DNAJC16: variants seen among roughly 807,000 people sequenced by gnomAD.
DNAJC16 encodes the protein dnaJ homolog subfamily C member 16.
Under a neutral mutation model 92.7 loss-of-function variants are expected in DNAJC16, and 76 were observed. The ratio of observed to expected loss-of-function variants is 0.82; its 90% CI spans 0.68 to 0.99. The LOEUF (loss-of-function observed/expected upper bound fraction) is 0.99, where lower values mean the gene tolerates loss of function less well. Ranked by LOEUF, DNAJC16 falls within the 50% of genes least tolerant of loss-of-function variation. The pLI, the probability that DNAJC16 is intolerant of heterozygous loss-of-function variation, is 0.00. For synonymous variants in DNAJC16, 328 were observed against 358.7 expected, an observed-to-expected ratio of 0.91 and a Z score of 0.97; for missense variants, 869 against 942.4, an observed-to-expected ratio of 0.92 and a Z score of 1.02.
intron 5 of DNAJC16, 81 bp from the exon 6 acceptor site, chr1:15,546,686 T>C (rs1303033516): frequency 3.6e-6 from 4 of 1,110,724 alleles, no homozygotes; most frequent in Non-Finnish European, 3.9e-6. Context: ...CTTACTTGAT[T>C]TGTTTATTTT....
intron 7 of DNAJC16, among the ~76,000 whole-genome samples, chr1:15,551,665 G>T (rs1399464998): frequency 6.6e-6 from 1 of 151,598 alleles, no homozygotes; most frequent in African/African-American, 2.4e-5. Context: ...TCAGGCTGGA[G>T]TGCAGTGGCA....
At chr1:15,564,960 G>A (rs575998085) in intron 11 of DNAJC16, among the ~76,000 whole-genome samples, 216 of 151,460 alleles carry the variant, frequency 1.4e-3, no homozygotes, top group Admixed American at 3.9e-3. Context: ...TCAGCCTCCC[G>A]AGAAGCTGAG....
chr1:15,548,514 G>C (rs1638366025), intron 7 of DNAJC16, 86 bp downstream of exon 7: 3 of 1,361,326 alleles, frequency 2.2e-6, no homozygotes, highest in Admixed American at 5.1e-5. Context: ...GAACAAAGTG[G>C]CTGAAGGAAA....
chr1:15,526,886 G>A lies in DNAJC16; in HGVS notation c.-91G>A, dbSNP rs1294037621. ...CCAGGCCCAGGCGAGCGCTGGTGTG[G>A]ACGGGAAGCTCCCGGCCCGGCGAAC... On this transcript the variant is annotated 5_prime_UTR_variant, in exon 1 of 15. Coordinates refer to ENST00000375847, the MANE Select transcript of DNAJC16 (RefSeq NM_015291.4). 6.6e-6 allele frequency: 1 copy of A among 152,448 alleles called. No individual in the cohort carries two copies. Among genetic ancestry groups the A allele is most frequent in the Non-Finnish European group, 1.5e-5 (1 of 68,154 alleles). The allele number at this position is 152,448 out of a possible 1,614,324, so 9.4% of individuals were successfully genotyped here.
chr1:15,548,406 A>AC lies in DNAJC16; in HGVS notation c.1002dup (p.Arg335GlnfsTer17). ...CTCTTGGTCTTTAAAGAACATATAA[A>AC]CAGGCCTGCCGATGTTATCCAGGTA... On this transcript the variant is annotated frameshift_variant, in exon 7 of 15. Transcript: ENST00000375847. LOFTEE classifies it high-confidence loss of function. 2 of 1,613,534 alleles carry AC rather than the reference A, an allele frequency of 1.2e-6. No individual in the cohort carries two copies. The highest frequency in any genetic ancestry group is 1.7e-6 in the Non-Finnish European group (2 of 1,179,710).
At chr1:15,555,203 C>T (rs565311310) in intron 7 of DNAJC16, among the ~76,000 whole-genome samples, 126 of 151,154 alleles carry the variant, frequency 8.3e-4, no homozygotes, top group Middle Eastern at 3.4e-3. Context: ...TGGTAAAACC[C>T]CGTCTCTACT....
At chr1:15,532,086 G>A (rs1034284697) in intron 2 of DNAJC16, among the ~76,000 whole-genome samples, 5 of 152,094 alleles carry the variant, frequency 3.3e-5, no homozygotes, top group Non-Finnish European at 5.9e-5. Flanking sequence ...AAGTTTTATC[G>A]TAGGTACTTT....
At chr1:15,538,549 C>T (rs1710849950) in intron 4 of DNAJC16, among the ~76,000 whole-genome samples, 1 of 151,868 alleles carries the variant, frequency 6.6e-6, no homozygotes, top group African/African-American at 2.4e-5. Flanking sequence ...GAAACTCTGT[C>T]TCTAGTAAAA....
intron 2 of DNAJC16, among the ~76,000 whole-genome samples, chr1:15,531,599 A>C (rs1269905434): frequency 6.6e-6 from 1 of 152,246 alleles, no homozygotes; most frequent in Non-Finnish European, 1.5e-5. Flanking sequence ...GGACCTATTA[A>C]AATGTATAGC....
At chr1:15,547,455 T>C (rs2103414533) in intron 6 of DNAJC16, among the ~76,000 whole-genome samples, 1 of 150,100 alleles carries the variant, frequency 6.7e-6, no homozygotes, top group East Asian at 2.0e-4. Context: ...TTTTTTTTTT[T>C]TTTCGGAGAC....
At chr1:15,532,644 G>T (rs78517124) in intron 2 of DNAJC16, among the ~76,000 whole-genome samples, 1,746 of 151,466 alleles carry the variant, frequency 0.012, 40 homozygotes, top group African/African-American at 0.039. Flanking sequence ...CATAATTTTT[G>T]ATCCACTCAG....
At chr1:15,545,615 A>C (rs1199615269) in intron 5 of DNAJC16, among the ~76,000 whole-genome samples, 17 of 152,166 alleles carry the variant, frequency 1.1e-4, no homozygotes, top group Non-Finnish European at 2.2e-4. Flanking sequence ...GGAGACATGA[A>C]ATAGCCCGCT....
intron 1 of DNAJC16, among the ~76,000 whole-genome samples, chr1:15,527,376 C>G (rs1220746476): frequency 6.6e-6 from 1 of 152,190 alleles, no homozygotes; most frequent in Non-Finnish European, 1.5e-5. Context: ...AGGCAGCGAT[C>G]GTACTGCATG....
intron 8 of DNAJC16, among the ~76,000 whole-genome samples, chr1:15,561,867 G>A (rs988067964): frequency 1.3e-5 from 2 of 151,776 alleles, no homozygotes; most frequent in Admixed American, 1.3e-4. Context: ...TATATATATA[G>A]TTTTCATATA....
intron 4 of DNAJC16, among the ~76,000 whole-genome samples, chr1:15,537,143 G>T (rs896433112): frequency 2.0e-5 from 3 of 152,224 alleles, no homozygotes; most frequent in African/African-American, 7.2e-5. Flanking sequence ...GAGCCACCAT[G>T]CCTGGCCCCA....
intron 4 of DNAJC16, among the ~76,000 whole-genome samples, chr1:15,544,186 A>ACACACACACACACACACACACACACG (rs56918246): frequency 1.3e-5 from 2 of 148,688 alleles, no homozygotes; most frequent in Non-Finnish European, 2.9e-5. Context: ...ACACACACAC[A>ACACACACACACACACACACACACACG]TTTGTAACTC....
chr1:15,541,321 A>G (rs550264142), intron 4 of DNAJC16, among the ~76,000 whole-genome samples: 1 of 152,060 alleles, frequency 6.6e-6, no homozygotes, highest in Admixed American at 6.5e-5. Context: ...ATTTATTGAC[A>G]TTGTTCCATA....
In DNAJC16 at chr1:15,526,932, A is replaced by C. The variant is rs1710527184; in HGVS notation, c.-45A>C. 1 of 152,358 alleles carries C rather than the reference A, an allele frequency of 6.6e-6. No homozygotes were observed. Among genetic ancestry groups the C allele is most frequent in the African/African-American group, 2.4e-5 (1 of 41,484 alleles). The allele number at this position is 152,358 out of a possible 1,614,324, so 9.4% of individuals were successfully genotyped here. The stretch of plus-strand genomic sequence containing the variant: ...CGAACTAACTGGAGCACGGAGCTGC[A>C]GCCGGTTGGGCCGGTGTACTTTCCC... On this transcript the variant is annotated 5_prime_UTR_variant, in exon 1 of 15. Coordinates refer to ENST00000375847, the MANE Select transcript of DNAJC16 (RefSeq NM_015291.4).
rs945173341 is a variant in DNAJC16 at position 15,568,642 on chromosome 1, C to T, written c.*465C>T. 4 of 399,716 alleles carry T rather than the reference C, an allele frequency of 1.0e-5. No individual in the cohort carries two copies. The highest frequency in any genetic ancestry group is 4.4e-5 in the Admixed American group (1 of 22,886). 24.8% of individuals were successfully genotyped at this position (399,716 alleles called of 1,614,324 possible). On this transcript the variant is annotated 3_prime_UTR_variant, in exon 15 of 15. Coordinates refer to ENST00000375847, the MANE Select transcript of DNAJC16 (RefSeq NM_015291.4). ...GGCGCATGCTCCTAACTCTGAACAA[C>T]CCACGGCAGCTTCTAGCCCCGCATC... is the stretch of plus-strand genomic sequence containing the variant.
Sources: allele counts gnomAD v4.1 joint callset (sites outside exome capture counted in the v4.1 genomes callset), GRCh38; gene constraint gnomAD v4.1.1; transcripts MANE v1.5; gene names NCBI Gene and HGNC (gene_info 2026-07-23, HGNC 2026-07-21).